TPM1: variants seen among roughly 807,000 people sequenced by gnomAD.
The protein encoded by TPM1 is tropomyosin alpha-1 chain.
In TPM1, 24 loss-of-function variants were observed where a neutral mutation model predicts 42.9. The observed-to-expected ratio is 0.56, with a 90% CI of 0.41 to 0.79. TPM1 has a LOEUF of 0.79. TPM1 is among the 30% of genes least tolerant of loss of function. The probability of loss-of-function intolerance (pLI) is 0.00; values close to 1 mark genes in which losing one functional copy is unlikely to be tolerated. For missense variants in TPM1, 158 were observed against 351.8 expected (o/e 0.45, Z 4.41); for synonymous variants, 136 against 130.1 (o/e 1.05, Z -0.31).
chr15:63,043,872 A>G, intron 1 of TPM1, 155 bp from the exon 2 acceptor site: 1 of 1,549,984 alleles, frequency 6.5e-7, no homozygotes, highest in Non-Finnish European at 8.7e-7. Flanking sequence ...ACGAATGGCT[A>G]ACTCTTTCTC....
chr15:63,048,503 C>T (rs1229391056), intron 2 of TPM1: 1 of 1,464,980 alleles, frequency 6.8e-7, no homozygotes, highest in Non-Finnish European at 9.0e-7. Context: ...AGGACAGCCG[C>T]GGCAGCCGGG....
intron 2 of TPM1, chr15:63,048,466 G>A: frequency 7.2e-7 from 1 of 1,390,280 alleles, no homozygotes; most frequent in Non-Finnish European, 9.2e-7. Context: ...GAGAGGCCTG[G>A]GCGGGGCGGA....
exon 9 of TPM1, chr15:63,071,460 G>T (rs1333228892): frequency 5.2e-6 from 2 of 388,258 alleles, no homozygotes; most frequent in South Asian, 4.3e-5. Flanking sequence ...AGCAGAAGAA[G>T]TTCCATTCAA....
At chr15:63,062,960 T>C in intron 8 of TPM1, 3 of 1,419,338 alleles carry the variant, frequency 2.1e-6, no homozygotes, top group East Asian at 2.5e-5. Flanking sequence ...CTAGTATATT[T>C]TATATCTTTA....
chr15:63,050,214 C>T (rs111235062), intron 2 of TPM1, among the ~76,000 whole-genome samples: 14 of 152,338 alleles, frequency 9.2e-5, no homozygotes, highest in African/African-American at 2.6e-4. Flanking sequence ...CCTTCAGTTC[C>T]CCACCCAGCA....
chr15:63,058,475 G>A (rs978157591), intron 3 of TPM1, among the ~76,000 whole-genome samples: 1 of 152,310 alleles, frequency 6.6e-6, no homozygotes, highest in South Asian at 2.1e-4. Context: ...AGGGGGCCGA[G>A]GCGGGCAGAT....
chr15:63,061,077 G>A (rs1404851913), intron 5 of TPM1, 138 bp downstream of exon 5: 33 of 1,457,014 alleles, frequency 2.3e-5, no homozygotes, highest in Middle Eastern at 1.8e-4. Flanking sequence ...GATGAGCCAC[G>A]AGTATGGAAC....
At chr15:63,045,049 T>TAA (rs1361426670) in intron 2 of TPM1, 3 of 152,200 alleles carry the variant, frequency 2.0e-5, no homozygotes, top group Non-Finnish European at 2.9e-5. Flanking sequence ...TTCTAAAAGC[T>TAA]AATTAAGCCT....
chr15:63,069,969 G>A (rs747553234), downstream of TPM1: 2 of 1,613,762 alleles, frequency 1.2e-6, no homozygotes, highest in South Asian at 1.1e-5. Flanking sequence ...AACTTGGGCT[G>A]AATTCTAGGC....
chr15:63,050,612 A>G (rs556363434), intron 2 of TPM1, among the ~76,000 whole-genome samples: 4 of 152,334 alleles, frequency 2.6e-5, no homozygotes, highest in African/African-American at 9.6e-5. Context: ...GCTTTATATC[A>G]AAAGTAGTTT....
intron 9 of TPM1, 169 bp downstream of exon 9, chr15:63,064,311 G>A: frequency 6.6e-7 from 1 of 1,511,882 alleles, no homozygotes; most frequent in South Asian, 1.2e-5. Flanking sequence ...TAATATAAAG[G>A]CCAATTAGAT....
At chr15:63,064,999 C>A (rs2036123447) in intron 9 of TPM1, 1 of 985,242 alleles carries the variant, frequency 1.0e-6, no homozygotes, top group East Asian at 1.1e-4. Flanking sequence ...TAAAAAGAAC[C>A]CTCTGCTGAG....
At chr15:63,059,715 C>G (rs972827952) in intron 4 of TPM1, 35 bp downstream of exon 4, 9 of 1,469,084 alleles carry the variant, frequency 6.1e-6, no homozygotes, top group Non-Finnish European at 7.6e-6. Context: ...TGTGGACACC[C>G]AGCAGTGGCC....
chr15:63,061,434 T>C (rs2035607045), intron 5 of TPM1: 2 of 795,840 alleles, frequency 2.5e-6, no homozygotes, highest in Non-Finnish European at 2.1e-6. Context: ...TATGCTCCTT[T>C]GTTTTCCCTT....
At position 63,059,657 on chromosome 15, in the gene TPM1, G is replaced by T; in HGVS notation, c.469G>T (p.Asp157Tyr). ...GAAAGAGGCCAAGCACATTGCTGAA[G>T]ATGCCGACCGCAAATATGAAGAGGT... ...QLKEAKHIAE[D>Y]ADRKYEEVAR... Residue 157 changes from aspartate to tyrosine, a missense_variant, in exon 4 of 10, where the codon GAT (aspartate) becomes TAT (tyrosine). By Grantham distance (160) the Asp-to-Tyr change is radical. Around this residue, in one of 4 missense-constraint regions of TPM1, gnomAD observed 65 missense variants for 208.8 expected, o/e 0.31. Transcript: ENST00000403994. 6.2e-7 allele frequency: 1 copy of T among 1,611,078 alleles called. No homozygotes were observed. The highest frequency in any genetic ancestry group is 8.5e-7 in the Non-Finnish European group (1 of 1,178,116).
chr15:63,061,022 A>C, intron 5 of TPM1, 83 bp downstream of exon 5: 1 of 1,557,494 alleles, frequency 6.4e-7, no homozygotes. Context: ...GCAGCTGCAC[A>C]TTACCTGTTT....
chr15:63,064,538 TC>T (rs2036054469), intron 9 of TPM1: 1 of 1,060,922 alleles, frequency 9.4e-7, no homozygotes, highest in Admixed American at 4.9e-5. Context: ...TACAACATAA[TC>T]ATTTTCGTTA....
At chr15:63,048,270 C>T (rs140483658) in intron 2 of TPM1, 3 of 575,118 alleles carry the variant, frequency 5.2e-6, no homozygotes, top group African/African-American at 1.9e-5. Context: ...ACCAGGTACC[C>T]CCGCAGCGCG....
At chr15:63,059,900 G>A (rs567371255) in intron 4 of TPM1, 8 of 390,804 alleles carry the variant, frequency 2.0e-5, no homozygotes, top group East Asian at 6.3e-5. Context: ...GTAGCACTGC[G>A]AAGAAGGACC....
Sources: gnomAD v4.1 joint callset for allele counts (sites outside exome capture counted in the v4.1 genomes callset) on GRCh38, gnomAD v4.1.1 for gene constraint, gnomAD v4.1.1 regional missense constraint, MANE v1.5 for transcripts, NCBI Gene and HGNC (gene_info 2026-07-23, HGNC 2026-07-21) for gene names.